Variants in AP1B1 observed in about 807,000 individuals in gnomAD.
The protein encoded by AP1B1 is adaptor related protein complex 1 subunit beta 1, also known as AP-1 complex subunit beta-1.
Under a neutral mutation model 104.3 loss-of-function variants are expected in AP1B1, and 36 were observed. That is an observed-to-expected ratio of 0.35 (90% CI 0.26 to 0.46). AP1B1 has a LOEUF of 0.46. Ranked by LOEUF, AP1B1 falls within the 20% of genes least tolerant of loss-of-function variation. The pLI is 1.00. For synonymous variants in AP1B1, 504 were observed against 517.5 expected, an observed-to-expected ratio of 0.97 and a Z score of 0.35; for missense variants, 901 against 1,247.9, an observed-to-expected ratio of 0.72 and a Z score of 4.19.
chr22:29,340,518 T>C, intron 14 of AP1B1, 138 bp downstream of exon 14: 1 of 946,516 alleles, frequency 1.1e-6, no homozygotes, highest in Non-Finnish European at 1.5e-6. Context: ...AGCTACACAA[T>C]CACCTCCAAG....
Position 29,339,645 on chromosome 22 carries a change from C to A in AP1B1, c.2019+109G>T, listed in dbSNP as rs185648874. 2.5e-4 allele frequency: 293 copies of A among 1,185,188 alleles called. No individual in the cohort carries two copies. The African/African-American group carries it at 3.9e-3, about 16-fold the overall frequency. The allele number at this position is 1,185,188 out of a possible 1,614,324, so 73.4% of individuals were successfully genotyped here. A position where few individuals can be genotyped will look rare whatever the true frequency, so the allele number is the denominator to read the frequency against. On this transcript the variant is annotated intron_variant, in intron 15 of 22. Coordinates refer to ENST00000357586, the MANE Select transcript of AP1B1 (RefSeq NM_001127.4). The stretch of plus-strand genomic sequence containing the variant: ...ATGCTGGACCAAGGCAGGGGCTCAG[C>A]AGGTGGAGGCTGCTGTGACATCACC...
In AP1B1 at chr22:29,363,118, A is replaced by T; in HGVS notation, c.38-12T>A. ...CTCGAAGATCTCCCCTAAGGAAAGG[A>T]GGCAAGCATGAGTGATCCCTCCCTA... On this transcript the variant is annotated splice_polypyrimidine_tract_variant and intron_variant, in intron 2 of 22. Transcript: ENST00000357586. 1 of 1,244,582 alleles carries T rather than the reference A, an allele frequency of 8.0e-7. No homozygotes were observed. Among genetic ancestry groups the T allele is most frequent in the Non-Finnish European group, 1.2e-6 (1 of 842,918 alleles). The allele number at this position is 1,244,582 out of a possible 1,614,324, so 77.1% of individuals were successfully genotyped here. A position where few individuals can be genotyped will look rare whatever the true frequency, so the allele number is the denominator to read the frequency against.
rs1172283369 is a variant in AP1B1, at chr22:29,328,828, T to C, written c.2843A>G (p.Lys948Arg). The C allele has an allele frequency of 6.2e-6, 10 of 1,606,486 alleles. No individual in the cohort carries two copies. The highest frequency in any genetic ancestry group is 4.2e-4 in the Middle Eastern group (2 of 4,758). ...TGGGCGCTGGCCGGGGTCTCAGTTC[T>C]TGAGGATGGTCTCGTAGGCCTGGTA... ...HVYQAYETIL[K>R]N Residue 948 changes from lysine to arginine, a missense_variant, in exon 23 of 23, where the codon AAG (lysine) becomes AGG (arginine). Lys to Arg is a conservative substitution (Grantham distance 26). Transcript: ENST00000357586. The surrounding 1 kb of genome is among the most constrained non-coding windows in gnomAD (Gnocchi z 4.1).
chr22:29,330,896 C>T (rs982502548), intron 19 of AP1B1, among the ~76,000 whole-genome samples, 187 bp from the exon 20 acceptor site: 2 of 152,162 alleles, frequency 1.3e-5, no homozygotes, highest in Non-Finnish European at 2.9e-5. Flanking sequence ...GCCCCAGTGC[C>T]GCTTCCAAAT....
At chr22:29,384,308 C>CCTGATGGCT (rs1458012534) in intron 1 of AP1B1, among the ~76,000 whole-genome samples, 1 of 152,060 alleles carries the variant, frequency 6.6e-6, no homozygotes, top group African/African-American at 2.4e-5. Flanking sequence ...CCTGAAACAC[C>CCTGATGGCT]CTGATGGCTG....
chr22:29,357,688 GTT>G (rs695400), intron 5 of AP1B1, among the ~76,000 whole-genome samples: 5 of 126,074 alleles, frequency 4.0e-5, no homozygotes, highest in East Asian at 2.3e-4. Context: ...TCAGGCAGCT[GTT>G]TTTTTTTTTT....
At chr22:29,349,412 GA>G (rs768549420) in intron 10 of AP1B1, 29 bp from the exon 11 acceptor site, 9 of 1,609,800 alleles carry the variant, frequency 5.6e-6, no homozygotes, top group Non-Finnish European at 5.9e-6. Flanking sequence ...GTTGGTATGG[GA>G]GCCCTCAAGG....
Position 29,366,664 on chromosome 22 carries a change from C to T in AP1B1, c.37+543G>A, listed in dbSNP as rs2078794. ...AGAAAGAAAAATTAGCTGGGCATAG[C>T]GGCGGGCGCATGTAATCCCAGCAAT... is the stretch of plus-strand genomic sequence containing the variant. On this transcript the variant is annotated intron_variant, in intron 2 of 22. Coordinates refer to ENST00000357586, the MANE Select transcript of AP1B1 (RefSeq NM_001127.4). Among the ~76,000 whole-genome samples the T allele has an allele frequency of 1.8e-3, 272 of 151,672 alleles. 1 individual carries two copies. The highest frequency in any genetic ancestry group is 3.6e-3 in the South Asian group (17 of 4,782).
intron 4 of AP1B1, among the ~76,000 whole-genome samples, chr22:29,359,324 C>T (rs899874438): frequency 1.3e-5 from 2 of 152,206 alleles, no homozygotes; most frequent in Admixed American, 1.3e-4. Context: ...GGTCTTTCCA[C>T]TGGGCCACAG....
chr22:29,335,162 T>C (rs1352889709), intron 16 of AP1B1, among the ~76,000 whole-genome samples: 1 of 152,148 alleles, frequency 6.6e-6, no homozygotes, highest in South Asian at 2.1e-4. Flanking sequence ...AAACCAGTGT[T>C]TGGGGAGTGT....
Position 29,351,724 on chromosome 22 carries a change from G to C in AP1B1, c.1040C>G (p.Ser347Cys), listed in dbSNP as rs772795230. 2 of 1,614,076 alleles carry C rather than the reference G, an allele frequency of 1.2e-6. No homozygotes were observed. Among genetic ancestry groups the C allele is most frequent in the South Asian group, 2.2e-5 (2 of 91,076 alleles). ...EKLDIMIRLA[S>C]QANIAQVLAE... ...GCTGACCTGGGCGATGTTGGCCTGA[G>C]AGGCCAGGCGGATCATGATGTCCAG... is the stretch of plus-strand genomic sequence containing the variant. Residue 347 changes from serine to cysteine, a missense_variant, in exon 8 of 23, where the codon TCT becomes TGT. This residue lies in a region of AP1B1 where 471 missense variants were observed against 696.7 expected (regional missense o/e 0.68). Transcript: ENST00000357586.
intron 10 of AP1B1, among the ~76,000 whole-genome samples, 193 bp downstream of exon 10, chr22:29,349,842 C>T (rs1302436585): frequency 6.6e-6 from 1 of 152,138 alleles, no homozygotes; most frequent in Non-Finnish European, 1.5e-5. Context: ...ATCTGTCACA[C>T]GTTAGCCCTT....
chr22:29,387,076 TC>T (rs2062536341), intron 1 of AP1B1, among the ~76,000 whole-genome samples: 1 of 152,240 alleles, frequency 6.6e-6, no homozygotes, highest in Non-Finnish European at 1.5e-5. Context: ...AGAGAAGTTC[TC>T]GACAATCTTC....
At chr22:29,375,147 G>A (rs998854988) in intron 1 of AP1B1, among the ~76,000 whole-genome samples, 8 of 152,012 alleles carry the variant, frequency 5.3e-5, no homozygotes, top group African/African-American at 1.9e-4. Context: ...TCAGGAGTTC[G>A]AGACCAGCCT....
Position 29,328,114 on chromosome 22 carries a change from G to C in AP1B1, c.*707C>G, listed in dbSNP as rs927836385. The C allele has an allele frequency of 1.3e-5, 2 of 152,852 alleles. No individual in the cohort carries two copies. The highest frequency in any genetic ancestry group is 2.9e-5 in the Non-Finnish European group (2 of 68,210). 9.5% of individuals were successfully genotyped at this position (152,852 alleles called of 1,614,324 possible). ...AGTGACCACCCTTGGGGCAGAAGTGGGGAGTTGGGGATAGTGCAGCTGCCA... is the reference window on the plus strand; with the variant it reads ...AGTGACCACCCTTGGGGCAGAAGTGCGGAGTTGGGGATAGTGCAGCTGCCA... On this transcript the variant is annotated 3_prime_UTR_variant, in exon 23 of 23. Transcript: ENST00000357586. The surrounding 1 kb of genome is among the most constrained non-coding windows in gnomAD (Gnocchi z 4.1).
At position 29,330,411 on chromosome 22, in the gene AP1B1, C is replaced by G; in HGVS notation, c.2733G>C (p.Glu911Asp). 3 of 1,613,716 alleles carry G rather than the reference C, an allele frequency of 1.9e-6. No homozygotes were observed. Among genetic ancestry groups the G allele is most frequent in the Non-Finnish European group, 2.5e-6 (3 of 1,179,968 alleles). The change falls in exon 21 of 23, where the codon GAG (glutamate) becomes GAC (aspartate). Residue 911 changes from glutamate to aspartate, a missense_variant. Glu to Asp is a conservative substitution (Grantham distance 45, BLOSUM62 2). Around this residue, in one of 3 missense-constraint regions of AP1B1, gnomAD observed 424 missense variants for 494.0 expected, o/e 0.86. Transcript: ENST00000357586. ...KLTNGIWVLA[E>D]LRIQPGNPSC... ...TGGGGTTGCCCGGCTGGATCCGCAG[C>G]TCCGCCAGCACCCAGATGCCGTTGG...
At chr22:29,351,396 C>A in intron 8 of AP1B1, 130 bp from the exon 9 acceptor site, 1 of 1,120,868 alleles carries the variant, frequency 8.9e-7, no homozygotes, top group South Asian at 1.3e-5. Flanking sequence ...GGTAGAAGGC[C>A]CAAGGGAGAG....
At chr22:29,384,348 A>G (rs1247846353) in intron 1 of AP1B1, among the ~76,000 whole-genome samples, 1 of 152,228 alleles carries the variant, frequency 6.6e-6, no homozygotes, top group Non-Finnish European at 1.5e-5. Flanking sequence ...GTTTGAAAGT[A>G]GTCTCAGCAC....
intron 19 of AP1B1, 125 bp downstream of exon 19, chr22:29,331,324 G>C: frequency 1.0e-6 from 1 of 958,658 alleles, no homozygotes. Flanking sequence ...CAGGGAAGCA[G>C]CAACTCCCCG....
Sources: allele counts gnomAD v4.1 joint callset (sites outside exome capture counted in the v4.1 genomes callset), GRCh38; gene constraint gnomAD v4.1.1; regional missense constraint gnomAD v4.1.1; non-coding constraint Gnocchi (gnomAD v3.1); transcripts MANE v1.5; gene names NCBI Gene and HGNC (gene_info 2026-07-23, HGNC 2026-07-21).